The following PDGFC variants were observed in gnomAD, a reference collection of about 807,000 sequenced individuals.
The protein encoded by PDGFC is platelet-derived growth factor C.
A neutral mutation model predicts 35.5 loss-of-function variants in PDGFC; 12 were observed. The observed-to-expected ratio is 0.34, with a 90% CI of 0.22 to 0.55. The LOEUF (loss-of-function observed/expected upper bound fraction) is 0.55, where lower values mean the gene tolerates loss of function less well. Ranked by LOEUF, PDGFC falls within the 20% of genes least tolerant of loss-of-function variation. The probability of loss-of-function intolerance (pLI) is 0.91; values close to 1 mark genes in which losing one functional copy is unlikely to be tolerated. For missense variants in PDGFC, 322 were observed against 412.4 expected, an observed-to-expected ratio of 0.78 and a Z score of 1.90; for synonymous variants, 159 against 148.8, an observed-to-expected ratio of 1.07 and a Z score of -0.50.
At chr4:156,793,558 T>TATATATATATATAA in intron 3 of PDGFC, among the ~76,000 whole-genome samples, 1 of 141,942 alleles carries the variant, frequency 7.0e-6, no homozygotes, top group South Asian at 2.2e-4. Context: ...TATATATATA[T>TATATATATATATAA]ATATAAAACA....
chr4:156,786,909 G>A (rs1182592993), intron 3 of PDGFC, among the ~76,000 whole-genome samples: 1 of 152,158 alleles, frequency 6.6e-6, no homozygotes, highest in Admixed American at 6.5e-5. Flanking sequence ...CTGCTGTGCT[G>A]AAAATAGAAT....
chr4:156,882,086 G>A (rs557537758), intron 1 of PDGFC, among the ~76,000 whole-genome samples: 5 of 152,082 alleles, frequency 3.3e-5, no homozygotes, highest in South Asian at 4.2e-4. Flanking sequence ...ATGCAAACAC[G>A]CAATAAATTT....
At chr4:156,763,542 C>G (rs1007369549) in intron 5 of PDGFC, among the ~76,000 whole-genome samples, 3 of 152,086 alleles carry the variant, frequency 2.0e-5, no homozygotes, top group Admixed American at 1.3e-4. Flanking sequence ...TTTGGAACTA[C>G]CAATATAAAA....
At chr4:156,953,356 T>C (rs1732131721) in intron 1 of PDGFC, among the ~76,000 whole-genome samples, 1 of 151,928 alleles carries the variant, frequency 6.6e-6, no homozygotes, top group Admixed American at 6.6e-5. Context: ...AGTTGTTTTC[T>C]AGACTAAAGT....
chr4:156,913,190 T>C (rs1731078904), intron 1 of PDGFC, among the ~76,000 whole-genome samples: 1 of 152,164 alleles, frequency 6.6e-6, no homozygotes, highest in African/African-American at 2.4e-5. Flanking sequence ...TACCAGTCCT[T>C]ACCTCCATCC....
chr4:156,863,954 A>G (rs937672796), intron 1 of PDGFC, among the ~76,000 whole-genome samples: 5 of 152,264 alleles, frequency 3.3e-5, no homozygotes, highest in Admixed American at 6.5e-5. Context: ...TAATTTAATT[A>G]ATAAAATCAC....
intron 3 of PDGFC, among the ~76,000 whole-genome samples, chr4:156,803,335 T>C (rs541404266): frequency 1.3e-5 from 2 of 152,098 alleles, no homozygotes; most frequent in South Asian, 4.1e-4. Flanking sequence ...TCATGGTATA[T>C]AGTTCAAGGC....
chr4:156,906,040 T>C (rs1179263142), intron 1 of PDGFC, among the ~76,000 whole-genome samples: 1 of 152,132 alleles, frequency 6.6e-6, no homozygotes, highest in Non-Finnish European at 1.5e-5. Context: ...AGATATACAT[T>C]TATAATCTAT....
chr4:156,923,795 C>T (rs904383646), intron 1 of PDGFC, among the ~76,000 whole-genome samples: 6 of 151,726 alleles, frequency 4.0e-5, no homozygotes, highest in African/African-American at 7.3e-5. Context: ...ATACATGTAA[C>T]GAACTGGGGA....
chr4:156,832,549 C>G (rs1468998055), intron 2 of PDGFC, among the ~76,000 whole-genome samples: 1 of 152,218 alleles, frequency 6.6e-6, no homozygotes, highest in African/African-American at 2.4e-5. Flanking sequence ...GCCACCATGC[C>G]TGGCCCATGC....
At chr4:156,830,396 TC>T (rs1211480613) in intron 2 of PDGFC, among the ~76,000 whole-genome samples, 1 of 152,126 alleles carries the variant, frequency 6.6e-6, no homozygotes, top group African/African-American at 2.4e-5. Flanking sequence ...GTGCATCCTT[TC>T]CCTGCCCCCA....
At chr4:156,899,602 G>T (rs989809284) in intron 1 of PDGFC, among the ~76,000 whole-genome samples, 1 of 152,152 alleles carries the variant, frequency 6.6e-6, no homozygotes, top group African/African-American at 2.4e-5. Context: ...GTCACTTGAG[G>T]TCAGGAGTTT....
At chr4:156,933,659 C>T (rs550953749) in intron 1 of PDGFC, among the ~76,000 whole-genome samples, 2 of 152,214 alleles carry the variant, frequency 1.3e-5, no homozygotes, top group South Asian at 4.1e-4. Flanking sequence ...GTGTCCCCAC[C>T]CAAATCTTAT....
At chr4:156,912,195 A>G (rs1404372035) in intron 1 of PDGFC, among the ~76,000 whole-genome samples, 1 of 152,158 alleles carries the variant, frequency 6.6e-6, no homozygotes, top group Non-Finnish European at 1.5e-5. Context: ...ATCAAGATTG[A>G]ACAAGGGAAA....
chr4:156,776,364 T>C (rs1343948864), intron 3 of PDGFC, among the ~76,000 whole-genome samples: 1 of 152,232 alleles, frequency 6.6e-6, no homozygotes, highest in Non-Finnish European at 1.5e-5. Flanking sequence ...AAAAATATGA[T>C]GGTGTACTTT....
chr4:156,798,807 T>C (rs1398694710), intron 3 of PDGFC, among the ~76,000 whole-genome samples: 1 of 152,210 alleles, frequency 6.6e-6, no homozygotes, highest in Non-Finnish European at 1.5e-5. Context: ...CTTAATGCTA[T>C]TTCATTAACT....
At chr4:156,821,419 T>C (rs1316171645) in intron 2 of PDGFC, among the ~76,000 whole-genome samples, 1 of 151,992 alleles carries the variant, frequency 6.6e-6, no homozygotes, top group Non-Finnish European at 1.5e-5. Context: ...TTTTAACTTT[T>C]TGTAGAGATA....
chr4:156,785,256 C>G (rs1309630544), intron 3 of PDGFC, among the ~76,000 whole-genome samples: 1 of 152,132 alleles, frequency 6.6e-6, no homozygotes, highest in Non-Finnish European at 1.5e-5. Context: ...GTGTGGAGTA[C>G]AGTGGCGCAA....
intron 2 of PDGFC, among the ~76,000 whole-genome samples, chr4:156,821,739 G>A (rs534174823): frequency 3.9e-4 from 59 of 152,040 alleles, no homozygotes; most frequent in East Asian, 1.9e-4. Context: ...TAGTAGAGAC[G>A]GGGTTTCTCT....
Sources: gnomAD v4.1 joint callset for allele counts (sites outside exome capture counted in the v4.1 genomes callset) on GRCh38, gnomAD v4.1.1 for gene constraint, MANE v1.5 for transcripts, NCBI Gene and HGNC (gene_info 2026-07-23, HGNC 2026-07-21) for gene names.